Variants in SGIP1 observed in about 807,000 individuals in gnomAD.
SGIP1 encodes SH3-containing GRB2-like protein 3-interacting protein 1.
In SGIP1, 38 loss-of-function variants were observed where a neutral mutation model predicts 107.5. The observed-to-expected ratio is 0.35, with a 90% CI of 0.27 to 0.46. The LOEUF (loss-of-function observed/expected upper bound fraction) is 0.46, where lower values mean the gene tolerates loss of function less well. Ranked by LOEUF, SGIP1 falls within the 20% of genes least tolerant of loss-of-function variation. The pLI is 1.00. For missense variants in SGIP1, 929 were observed against 1,019.5 expected (o/e 0.91, Z 1.21); for synonymous variants, 365 against 366.1 (o/e 1.00, Z 0.03).
chr1:66,689,341 C>T, intron 16 of SGIP1, 66 bp downstream of exon 16: 1 of 1,567,454 alleles, frequency 6.4e-7, no homozygotes, highest in Non-Finnish European at 8.6e-7. Flanking sequence ...CTCCAAATGC[C>T]TTCAGGTCTA....
At chr1:66,557,142 A>G (rs1047976164) in intron 1 of SGIP1, among the ~76,000 whole-genome samples, 1 of 152,130 alleles carries the variant, frequency 6.6e-6, no homozygotes, top group Non-Finnish European at 1.5e-5. Flanking sequence ...AGTGCCCAGC[A>G]TCCACATCTC....
At chr1:66,625,754 A>T in intron 1 of SGIP1, 93 bp from the exon 2 acceptor site, 1 of 1,063,862 alleles carries the variant, frequency 9.4e-7, no homozygotes. Context: ...TGCTTTCTAA[A>T]CATTTAAGTC....
chr1:66,686,882 A>G (rs1347834813), intron 15 of SGIP1, among the ~76,000 whole-genome samples: 2 of 152,250 alleles, frequency 1.3e-5, no homozygotes, highest in Non-Finnish European at 1.5e-5. Flanking sequence ...CATCACGGGT[A>G]TCTACTACTT....
chr1:66,734,632 G>A (rs971815833), intron 21 of SGIP1, among the ~76,000 whole-genome samples: 2 of 151,714 alleles, frequency 1.3e-5, no homozygotes, highest in African/African-American at 4.8e-5. Flanking sequence ...AGCCTCCTGA[G>A]TAGCTAGGAA....
chr1:66,536,254 A>AGT (rs149847612), intron 1 of SGIP1, among the ~76,000 whole-genome samples: 1 of 12,532 alleles, frequency 8.0e-5, no homozygotes, highest in African/African-American at 1.1e-3. Flanking sequence ...ATTAGTATGA[A>AGT]TTATACTATG....
intron 1 of SGIP1, among the ~76,000 whole-genome samples, chr1:66,576,704 C>T (rs1425223386): frequency 6.6e-6 from 1 of 152,112 alleles, no homozygotes; most frequent in Non-Finnish European, 1.5e-5. Flanking sequence ...TCTCCTTCTC[C>T]TCTTCCTCTT....
At chr1:66,586,109 C>T (rs2062574060) in intron 1 of SGIP1, among the ~76,000 whole-genome samples, 1 of 152,066 alleles carries the variant, frequency 6.6e-6, no homozygotes, top group Admixed American at 6.5e-5. Context: ...TTTATGCCTT[C>T]AGCAATTTTT....
chr1:66,743,535 C>T lies in SGIP1; in HGVS notation c.*440C>T, dbSNP rs2094514398. 6.5e-6 allele frequency: 1 copy of T among 152,908 alleles called. No individual in the cohort carries two copies. Among genetic ancestry groups the T allele is most frequent in the South Asian group, 2.1e-4 (1 of 4,866 alleles). 9.5% of individuals were successfully genotyped at this position (152,908 alleles called of 1,614,324 possible). A position where few individuals can be genotyped will look rare whatever the true frequency, so the allele number is the denominator to read the frequency against. On this transcript the variant is annotated 3_prime_UTR_variant, in exon 25 of 25. Transcript: ENST00000371037. ...TTGATAGCTGTCATAAAGGGGGTGC[C>T]ACATATTAAAGAAACTTAAGTGGAA...
chr1:66,724,448 A>G (rs182773874), intron 19 of SGIP1, among the ~76,000 whole-genome samples: 33 of 152,332 alleles, frequency 2.2e-4, no homozygotes, highest in Non-Finnish European at 1.5e-5. Flanking sequence ...AAATTTTTAT[A>G]TAGAAAATTT....
At chr1:66,630,837 A>G (rs190325446) in intron 2 of SGIP1, among the ~76,000 whole-genome samples, 1,253 of 14,682 alleles carry the variant, frequency 0.085, 75 homozygotes, top group African/African-American at 0.3. Flanking sequence ...GAAAGAAAGA[A>G]AGAAAGAAAG....
intron 1 of SGIP1, among the ~76,000 whole-genome samples, chr1:66,567,548 T>C (rs1180148426): frequency 6.6e-6 from 1 of 152,208 alleles, no homozygotes; most frequent in Non-Finnish European, 1.5e-5. Flanking sequence ...TTGCAATGGC[T>C]TTTGGCATTT....
At chr1:66,562,886 T>C (rs1304212957) in intron 1 of SGIP1, among the ~76,000 whole-genome samples, 1 of 152,028 alleles carries the variant, frequency 6.6e-6, no homozygotes, top group Non-Finnish European at 1.5e-5. Context: ...TCTGTGATAA[T>C]AATGGCCTGT....
intron 1 of SGIP1, among the ~76,000 whole-genome samples, chr1:66,599,110 T>C (rs1220416886): frequency 1.3e-5 from 2 of 152,220 alleles, no homozygotes; most frequent in East Asian, 3.8e-4. Flanking sequence ...TCTTTCAATT[T>C]ATGTGTATTT....
chr1:66,646,327 T>C (rs906778256), intron 7 of SGIP1, among the ~76,000 whole-genome samples: 1 of 152,158 alleles, frequency 6.6e-6, no homozygotes, highest in African/African-American at 2.4e-5. Flanking sequence ...GGAAATAGGG[T>C]CTACACAAGT....
At chr1:66,547,493 T>G (rs1306543295) in intron 1 of SGIP1, among the ~76,000 whole-genome samples, 2 of 152,174 alleles carry the variant, frequency 1.3e-5, no homozygotes, top group African/African-American at 4.8e-5. Flanking sequence ...CATCTGGATT[T>G]CTTCTCTTGA....
intron 1 of SGIP1, among the ~76,000 whole-genome samples, chr1:66,572,178 C>T (rs1322949472): frequency 6.6e-6 from 1 of 151,992 alleles, no homozygotes; most frequent in Non-Finnish European, 1.5e-5. Flanking sequence ...GAGAGAAATA[C>T]AGAAAGACCA....
rs1378263570 is a variant in SGIP1, at chr1:66,698,528, G to A, written c.1630+3035G>A. Among the ~76,000 whole-genome samples, 15 of 151,950 alleles carry A rather than the reference G, an allele frequency of 9.9e-5. 1 individual carries two copies. Among genetic ancestry groups the A allele is most frequent in the African/African-American group, 2.9e-4 (12 of 41,386 alleles). On this transcript the variant is annotated intron_variant, in intron 18 of 24. Coordinates refer to ENST00000371037, the MANE Select transcript of SGIP1 (RefSeq NM_032291.4). Reference sequence around the variant, plus strand: ...CGAGTAGCTGGGACCACAGGCGCCCGCCACCACGCCCGGCTAATTTTTTGT... The same window carrying A: ...CGAGTAGCTGGGACCACAGGCGCCCACCACCACGCCCGGCTAATTTTTTGT...
intron 15 of SGIP1, among the ~76,000 whole-genome samples, chr1:66,684,833 C>T (rs2087794851): frequency 6.6e-6 from 1 of 152,174 alleles, no homozygotes; most frequent in Non-Finnish European, 1.5e-5. Flanking sequence ...TGTTTAGCTT[C>T]CATACCTTTA....
chr1:66,674,479 C>T (rs1456641204), intron 12 of SGIP1, among the ~76,000 whole-genome samples: 1 of 152,094 alleles, frequency 6.6e-6, no homozygotes, highest in Non-Finnish European at 1.5e-5. Context: ...TGTATAATAA[C>T]ATGTTATCCT....
Sources: gnomAD v4.1 joint callset for allele counts (sites outside exome capture counted in the v4.1 genomes callset) on GRCh38, gnomAD v4.1.1 for gene constraint, MANE v1.5 for transcripts, NCBI Gene and HGNC (gene_info 2026-07-23, HGNC 2026-07-21) for gene names.